MYO10: variants seen among roughly 807,000 people sequenced by gnomAD.
The protein encoded by MYO10 is myosin X, also known as unconventional myosin-X.
A neutral mutation model predicts 257.3 loss-of-function variants in MYO10; 133 were observed. The ratio of observed to expected loss-of-function variants is 0.52; its 90% confidence interval spans 0.45 to 0.60. MYO10 has a LOEUF of 0.60. Among genes scored for constraint, MYO10 ranks in the 20% least tolerant of loss-of-function variants. MYO10 has a pLI of 0.00. For synonymous variants in MYO10, 1,104 were observed against 1,028.6 expected (o/e 1.07, Z -1.40); for missense variants, 2,399 against 2,635.7 (o/e 0.91, Z 1.97).
chr5:16,718,263 A>T (rs1013423090), intron 19 of MYO10, among the ~76,000 whole-genome samples: 7 of 152,152 alleles, frequency 4.6e-5, no homozygotes, highest in Admixed American at 3.3e-4. Context: ...GTGCGGCCGG[A>T]GCCTCCCTGA....
chr5:16,691,613 C>A (rs1737508816), intron 27 of MYO10, among the ~76,000 whole-genome samples: 1 of 151,362 alleles, frequency 6.6e-6, no homozygotes, highest in South Asian at 2.1e-4. Context: ...GCAGGAGAAT[C>A]ACTTGAACCC....
chr5:16,747,918 CAAAAAAAA>C lies in MYO10; in HGVS notation c.1929+6902_1929+6909del, dbSNP rs777257950. On this transcript the variant is annotated intron_variant, in intron 19 of 40. Transcript: ENST00000513610. ...TGGGCGACAGAGCGAAACTCCGTCT[CAAAAAAAA>C]AAAAAAAAAAAAAAAAAAAAGAAAA... is the stretch of plus-strand genomic sequence containing the variant. Among the ~76,000 whole-genome samples the C allele has an allele frequency of 4.9e-4, 15 of 30,534 alleles. 1 individual carries two copies. The highest frequency in any genetic ancestry group is 2.2e-3 in the Admixed American group (3 of 1,364). The allele number at this position is 30,534 out of a possible 152,430, so 20.0% of individuals were successfully genotyped here. A position where few individuals can be genotyped will look rare whatever the true frequency, so the allele number is the denominator to read the frequency against.
chr5:16,845,348 C>A (rs1561014813), intron 2 of MYO10, among the ~76,000 whole-genome samples: 1 of 152,112 alleles, frequency 6.6e-6, no homozygotes, highest in Non-Finnish European at 1.5e-5. Context: ...CGATTATGTC[C>A]TTCCCATTTT....
intron 2 of MYO10, among the ~76,000 whole-genome samples, chr5:16,871,348 C>T (rs562965566): frequency 5.9e-5 from 9 of 152,330 alleles, no homozygotes; most frequent in African/African-American, 2.2e-4. Context: ...AGCACAGTGG[C>T]TCATGCCTGT....
At chr5:16,877,065 A>G (rs2126761724) in intron 2 of MYO10, among the ~76,000 whole-genome samples, 1 of 152,262 alleles carries the variant, frequency 6.6e-6, no homozygotes, top group Middle Eastern at 3.4e-3. Flanking sequence ...ACCAGTGAGC[A>G]GAGGCCTCAC....
intron 1 of MYO10, among the ~76,000 whole-genome samples, chr5:16,928,744 C>T (rs1274481535): frequency 2.0e-5 from 3 of 150,818 alleles, no homozygotes; most frequent in East Asian, 4.2e-4. Context: ...ACTTGGGAGG[C>T]TAAGGCAGGA....
chr5:16,815,274 C>T, intron 3 of MYO10: 1 of 521,964 alleles, frequency 1.9e-6, no homozygotes, highest in Non-Finnish European at 3.4e-6. Context: ...TTGTGGATTT[C>T]AATATTTTTT....
At chr5:16,906,807 G>C (rs574697134) in intron 1 of MYO10, among the ~76,000 whole-genome samples, 1 of 152,126 alleles carries the variant, frequency 6.6e-6, no homozygotes, top group Non-Finnish European at 1.5e-5. Flanking sequence ...CTTGGCTGAT[G>C]TGGAGAAGAA....
chr5:16,702,511 A>G lies in MYO10; in HGVS notation c.2556+32T>C. The G allele has an allele frequency of 3.2e-6, 5 of 1,574,092 alleles. No homozygotes were observed. The South Asian group carries it at 4.7e-5, about 15-fold the overall frequency. On this transcript the variant is annotated intron_variant, in intron 24 of 40. Coordinates refer to ENST00000513610, the MANE Select transcript of MYO10 (RefSeq NM_012334.3). Reference sequence around the variant, plus strand: ...TTAGAAGTGGGAAGGAAGTAGAAACACAAGAGGCTAAGTTGTCACTGCACT... The same window carrying G: ...TTAGAAGTGGGAAGGAAGTAGAAACGCAAGAGGCTAAGTTGTCACTGCACT...
rs767326657 is a variant in MYO10, at chr5:16,672,746, A to G, written c.5252T>C (p.Val1751Ala). The stretch of plus-strand genomic sequence containing the variant: ...GGTTCGACTTTCAATGGCTTTGTCG[A>G]CGTGGCCGTTGTATTCAAACAAAGC... ...MFALFEYNGH[V>A]DKAIESRTVV... Residue 1751 changes from valine to alanine, a missense_variant, in exon 37 of 41, where the codon GTC becomes GCC. By Grantham distance (64) the Val-to-Ala change is moderately conservative. This residue lies in a region of MYO10 where 1,820 missense variants were observed against 1,939.4 expected (regional missense o/e 0.94). Coordinates refer to ENST00000513610, the MANE Select transcript of MYO10 (RefSeq NM_012334.3). 5 of 1,614,024 alleles carry G rather than the reference A, an allele frequency of 3.1e-6. No homozygotes were observed. The highest frequency in any genetic ancestry group is 4.2e-6 in the Non-Finnish European group (5 of 1,179,898).
rs1211166311 is a variant in MYO10 at position 16,665,885 on chromosome 5, G to C, written c.*807C>G. The C allele has an allele frequency of 6.6e-6, 1 of 152,550 alleles. No homozygotes were observed. The highest frequency in any genetic ancestry group is 1.5e-5 in the Non-Finnish European group (1 of 68,028). The allele number at this position is 152,550 out of a possible 1,614,324, so 9.4% of individuals were successfully genotyped here. ...AGACTTTGCTACATGTAAAACAATG[G>C]AGTCAACACGTGTTTTTCAAAATAC... On this transcript the variant is annotated 3_prime_UTR_variant, in exon 41 of 41. Coordinates refer to ENST00000513610, the MANE Select transcript of MYO10 (RefSeq NM_012334.3).
At position 16,822,839 on chromosome 5, in the gene MYO10, A is replaced by C. The variant is rs570734396; in HGVS notation, c.121-4672T>G. Among the ~76,000 whole-genome samples the C allele has an allele frequency of 3.6e-3, 544 of 151,768 alleles. 3 individuals are homozygous for C. Among genetic ancestry groups the C allele is most frequent in the South Asian group, 0.011 (53 of 4,798 alleles). ...CGTAGCTGGGACTACAGGCGCCCGC[A>C]ACCACGCCCGGCTAATTTTTTGTAT... On this transcript the variant is annotated intron_variant, in intron 2 of 40. Coordinates refer to ENST00000513610, the MANE Select transcript of MYO10 (RefSeq NM_012334.3).
At chr5:16,864,678 T>C (rs997308527) in intron 2 of MYO10, among the ~76,000 whole-genome samples, 11 of 152,224 alleles carry the variant, frequency 7.2e-5, no homozygotes, top group Admixed American at 2.0e-4. Flanking sequence ...TGCACATGTT[T>C]AGCCTGGAGC....
At position 16,754,844 on chromosome 5, in the gene MYO10, T is replaced by C; in HGVS notation, c.1913A>G (p.Lys638Arg). 1 of 1,604,212 alleles carries C rather than the reference T, an allele frequency of 6.2e-7. No individual in the cohort carries two copies. Among genetic ancestry groups the C allele is most frequent in the Non-Finnish European group, 8.5e-7 (1 of 1,173,704 alleles). ...SSNPFFVRCI[K>R]PNMQKMPDQF... ...CAATCTTACCTTCTGCATGTTTGGC[T>C]TGATACAGCGAACAAAGAAAGGATT... The change falls in exon 19 of 41, where the codon AAG (lysine) becomes AGG (arginine). Residue 638 changes from lysine to arginine, a missense_variant. Transcript: ENST00000513610.
intron 3 of MYO10, among the ~76,000 whole-genome samples, chr5:16,797,874 T>G (rs941521940): frequency 4.6e-5 from 7 of 152,224 alleles, no homozygotes. Flanking sequence ...GTTTGAATGT[T>G]TGTCCCCTCC....
At chr5:16,757,352 A>C (rs866056885) in intron 18 of MYO10, among the ~76,000 whole-genome samples, 18 of 151,172 alleles carry the variant, frequency 1.2e-4, no homozygotes, top group South Asian at 2.1e-4. Context: ...ACGGAAAAAA[A>C]AAAAGCTTTC....
chr5:16,713,590 A>C (rs1394523177), intron 19 of MYO10: 1 of 754,086 alleles, frequency 1.3e-6, no homozygotes, highest in Non-Finnish European at 1.6e-6. Context: ...CTCGAGATCC[A>C]GGCTCCCATT....
At chr5:16,716,070 T>C (rs31298) in intron 19 of MYO10, among the ~76,000 whole-genome samples, 113,355 of 149,304 alleles carry the variant, frequency 0.76, 43,602 homozygotes, top group East Asian at 0.82. Flanking sequence ...AAAAAAAAAG[T>C]ACATTAAGTA....
rs559294295 is a variant in MYO10 at position 16,678,050 on chromosome 5, C to A, written c.4543-1896G>T. 1.3e-4 allele frequency among the ~76,000 whole-genome samples: 20 copies of A among 152,188 alleles called. No individual in the cohort carries two copies. The East Asian group carries it at 3.5e-3, about 27-fold the overall frequency. ...TGCTCAGATTACAGGCATGAGCCAC[C>A]ATGCCCAGCTGAAAAATCCTATGTA... is the stretch of plus-strand genomic sequence containing the variant. On this transcript the variant is annotated intron_variant, in intron 33 of 40. Transcript: ENST00000513610.
Sources: allele counts gnomAD v4.1 joint callset (sites outside exome capture counted in the v4.1 genomes callset), GRCh38; gene constraint gnomAD v4.1.1; regional missense constraint gnomAD v4.1.1; transcripts MANE v1.5; gene names NCBI Gene and HGNC (gene_info 2026-07-23, HGNC 2026-07-21).